Variants in SLITRK5 observed in about 807,000 individuals in gnomAD.
The protein encoded by SLITRK5 is SLIT and NTRK-like protein 5.
SLITRK5 carries 23 observed loss-of-function variants against 56.2 expected under a neutral mutation model. The ratio of observed to expected loss-of-function variants is 0.41; its 90% CI spans 0.29 to 0.58. The LOEUF (loss-of-function observed/expected upper bound fraction) is 0.58. Among genes scored for constraint, SLITRK5 ranks in the 20% least tolerant of loss-of-function variants. The probability of loss-of-function intolerance (pLI) is 0.30; values close to 1 mark genes in which losing one functional copy is unlikely to be tolerated. For synonymous variants in SLITRK5, 637 were observed against 531.8 expected (o/e 1.20, Z -2.72); for missense variants, 1,289 against 1,226.6 (o/e 1.05, Z -0.76).
Position 87,679,484 on chromosome 13 carries a change from G to C in SLITRK5, c.*1219G>C, listed in dbSNP as rs546856335. The C allele has an allele frequency of 4.2e-5, 7 of 166,998 alleles. No homozygotes were observed. The highest frequency in any genetic ancestry group is 1.7e-4 in the African/African-American group (7 of 41,520). 10.3% of individuals were successfully genotyped at this position (166,998 alleles called of 1,614,324 possible). A position where few individuals can be genotyped will look rare whatever the true frequency, so the allele number is the denominator to read the frequency against. ...CTATACAATGTCTTTATCCCTGTGG[G>C]CAGCAAGCAATGATGATAATGACAA... On this transcript the variant is annotated 3_prime_UTR_variant, in exon 2 of 2. Coordinates refer to ENST00000683689, the MANE Select transcript of SLITRK5 (RefSeq NM_001384609.1).
chr13:87,675,937 C>T lies in SLITRK5; in HGVS notation c.549C>T (p.Ile183=). 6.2e-7 allele frequency: 1 copy of T among 1,614,146 alleles called. No individual in the cohort carries two copies. The highest frequency in any genetic ancestry group is 8.5e-7 in the Non-Finnish European group (1 of 1,180,040). The part of the protein sequence containing the change: ...FGKLHLLQVL[I]LNDNLLSSLP... ...AACTGCATTTGTTGCAGGTGCTTAT[C>T]CTCAATGACAATCTTTTGTCCAGTT... Residue 183 remains isoleucine, a synonymous_variant, in exon 2 of 2, where the codon ATC becomes ATT. Transcript: ENST00000683689.
rs183214825 is a variant in SLITRK5 at position 87,676,954 on chromosome 13, A to G, written c.1566A>G (p.Ser522=). 5.5e-5 allele frequency: 89 copies of G among 1,614,162 alleles called. No individual in the cohort carries two copies. The highest frequency in any genetic ancestry group is 7.0e-5 in the Non-Finnish European group (83 of 1,180,038). Residue 522 remains serine, a synonymous_variant, in exon 2 of 2, where the codon TCA becomes TCG. Coordinates refer to ENST00000683689, the MANE Select transcript of SLITRK5 (RefSeq NM_001384609.1). ...ACAACCTCCTGCAGGCCATGCCCTCAGGCGTCTTCTCTGGCTTGACCCTCC... is the reference window on the plus strand; with the variant it reads ...ACAACCTCCTGCAGGCCATGCCCTCGGGCGTCTTCTCTGGCTTGACCCTCC... The part of the protein sequence containing the change: ...LNNNLLQAMP[S]GVFSGLTLLR...
Position 87,677,571 on chromosome 13 carries a change from A to G in SLITRK5, c.2183A>G (p.His728Arg). ...GGGGGTGGHP[H>R]AHVHHRGPAL... ...GGCGGCGGCACGGGCGGCCACCCAC[A>G]CGCGCACGTGCATCACCGCGGGCCC... Residue 728 changes from histidine (H) to arginine (R), a missense_variant, in exon 2 of 2, where the codon CAC (histidine) becomes CGC (arginine). Coordinates refer to ENST00000683689, the MANE Select transcript of SLITRK5 (RefSeq NM_001384609.1). The surrounding 1 kb of genome is among the most constrained non-coding windows in gnomAD (Gnocchi z 4.7). The G allele has an allele frequency of 1.2e-6, 2 of 1,609,372 alleles. No homozygotes were observed. Among genetic ancestry groups the G allele is most frequent in the South Asian group, 1.1e-5 (1 of 90,924 alleles).
Position 87,677,556 on chromosome 13 carries a change from C to G in SLITRK5, c.2168C>G (p.Thr723Arg), listed in dbSNP as rs762059165. The G allele has an allele frequency of 3.1e-6, 5 of 1,608,440 alleles. No homozygotes were observed. The East Asian group carries it at 1.1e-4, about 36-fold the overall frequency. Residue 723 changes from threonine (T) to arginine (R), a missense_variant, in exon 2 of 2, where the codon ACG becomes AGG. Thr to Arg is a moderately conservative substitution (Grantham distance 71, BLOSUM62 -1). This residue lies in a region of SLITRK5 where 985 missense variants were observed against 906.0 expected (regional missense o/e 1.09). Transcript: ENST00000683689. This position sits in a 1 kb window ranked among gnomAD's most constrained non-coding sequence, Gnocchi z 4.7. ...QYSVYGGGGG[T>R]GGHPHAHVHH... ...AGCGTGTACGGCGGCGGCGGCGGCA[C>G]GGGCGGCCACCCACACGCGCACGTG...
intron 1 of SLITRK5, chr13:87,673,542 G>A: frequency 1.6e-6 from 2 of 1,282,240 alleles, no homozygotes; most frequent in Non-Finnish European, 2.0e-6. Flanking sequence ...ATGGATGTGC[G>A]GATTTGATCC....
rs756482226 is a variant in SLITRK5 at position 87,677,840 on chromosome 13, G to T, written c.2452G>T (p.Gly818Trp). The part of the protein sequence containing the change: ...QPPPQLQLQP[G>W]EEERRESHHL... ...CCCGCCGCAGCTGCAGCTGCAGCCC[G>T]GGGAGGAGGAGAGGCGGGAAAGCCA... The change falls in exon 2 of 2, where the codon GGG (glycine) becomes TGG (tryptophan). Residue 818 changes from glycine (G) to tryptophan (W), a missense_variant. Gly to Trp is a radical substitution (Grantham distance 184). This residue lies in a region of SLITRK5 where 985 missense variants were observed against 906.0 expected (regional missense o/e 1.09). Coordinates refer to ENST00000683689, the MANE Select transcript of SLITRK5 (RefSeq NM_001384609.1). The surrounding 1 kb of genome is among the most constrained non-coding windows in gnomAD (Gnocchi z 4.7). 3 of 1,611,842 alleles carry T rather than the reference G, an allele frequency of 1.9e-6. No homozygotes were observed. The highest frequency in any genetic ancestry group is 2.2e-5 in the East Asian group (1 of 44,798).
intron 1 of SLITRK5, chr13:87,674,524 T>G: frequency 2.9e-6 from 1 of 341,434 alleles, no homozygotes; most frequent in Non-Finnish European, 4.1e-6. Flanking sequence ...TTCGCTGAGT[T>G]CTTTGTAATC....
Position 87,677,404 on chromosome 13 carries a change from G to A in SLITRK5, c.2016G>A (p.Leu672=). The A allele has an allele frequency of 1.9e-6, 3 of 1,613,850 alleles. No homozygotes were observed. The highest frequency in any genetic ancestry group is 2.5e-6 in the Non-Finnish European group (3 of 1,180,004). ...CTGTGTTAATTCTCAGCCTCCTGCT[G>A]GTTTTCATCATGTCCGTCTTCGTGG... is the stretch of plus-strand genomic sequence containing the variant. ...PLSVLILSLL[L]VFIMSVFVAA... Residue 672 remains leucine, a synonymous_variant, in exon 2 of 2, where the codon CTG becomes CTA. Transcript: ENST00000683689. This position sits in a 1 kb window ranked among gnomAD's most constrained non-coding sequence, Gnocchi z 4.7.
rs1177599839 is a variant in SLITRK5, at chr13:87,675,609, C to T, written c.221C>T (p.Ser74Phe). ...GAAAACCGGGGGATCATCAGTCTCT[C>T]TGAAATTAGCCCTCCCCGTTTCCCA... ...SCENRGIISL[S>F]EISPPRFPIY... is the part of the protein sequence containing the mutation. Residue 74 changes from serine to phenylalanine, a missense_variant, in exon 2 of 2, where the codon TCT becomes TTT. Around this residue, in one of 3 missense-constraint regions of SLITRK5, gnomAD observed 291 missense variants for 286.7 expected, o/e 1.02. Transcript: ENST00000683689. The T allele has an allele frequency of 6.2e-7, 1 of 1,614,066 alleles. No individual in the cohort carries two copies. The highest frequency in any genetic ancestry group is 8.5e-7 in the Non-Finnish European group (1 of 1,180,058).
rs763200170 is a variant in SLITRK5, at chr13:87,678,262, C to G, written c.2874C>G (p.Phe958Leu). ...AAAAACAGACCACGTTTAGCCAGTT[C>G]TAAAAGCAAAGAAACTCTCTTGGAG... Reference protein sequence around the residue: ...VLEKQTTFSQF With the variant: ...VLEKQTTFSQL Residue 958 changes from phenylalanine (F) to leucine (L), a missense_variant, in exon 2 of 2, where the codon TTC becomes TTG. Transcript: ENST00000683689. 3 of 1,598,844 alleles carry G rather than the reference C, an allele frequency of 1.9e-6. No homozygotes were observed. The South Asian group carries it at 3.3e-5, about 18-fold the overall frequency.
chr13:87,677,736 A>G lies in SLITRK5; in HGVS notation c.2348A>G (p.Lys783Arg), dbSNP rs1263930329. 1 of 1,612,810 alleles carries G rather than the reference A, an allele frequency of 6.2e-7. No individual in the cohort carries two copies. Among genetic ancestry groups the G allele is most frequent in the Non-Finnish European group, 8.5e-7 (1 of 1,179,388 alleles). The change falls in exon 2 of 2, where the codon AAG becomes AGG. Residue 783 changes from lysine (K) to arginine (R), a missense_variant. By Grantham distance (26) the Lys-to-Arg change is conservative. Transcript: ENST00000683689. This position sits in a 1 kb window ranked among gnomAD's most constrained non-coding sequence, Gnocchi z 4.7. Reference sequence around the variant, plus strand: ...GATTACAAAGACCTGCACGAGCTCAAGGTCACCTACAGCAGCAACCACCAC... The same window carrying G: ...GATTACAAAGACCTGCACGAGCTCAGGGTCACCTACAGCAGCAACCACCAC... ...VEDYKDLHEL[K>R]VTYSSNHHLQ...
rs779169011 is a variant in SLITRK5, at chr13:87,677,284, G to C, written c.1896G>C (p.Ala632=). The C allele has an allele frequency of 1.9e-6, 3 of 1,614,138 alleles. No individual in the cohort carries two copies. The East Asian group carries it at 6.7e-5, about 36-fold the overall frequency. The change falls in exon 2 of 2, where the codon GCG becomes GCC. Residue 632 remains alanine, a synonymous_variant. Transcript: ENST00000683689. The surrounding 1 kb of genome is among the most constrained non-coding windows in gnomAD (Gnocchi z 4.7). ...CACCCTCCTCTATCCAGGTCCCTGC[G>C]AGGACCAGCGCCGTGACTCCTGCGG... The part of the protein sequence containing the change: ...TPTPSSIQVP[A]RTSAVTPAVR...
intron 1 of SLITRK5, among the ~76,000 whole-genome samples, 23 bp downstream of exon 1, chr13:87,672,232 G>A (rs1356963790): frequency 1.3e-5 from 2 of 152,086 alleles, no homozygotes; most frequent in Non-Finnish European, 2.9e-5. Flanking sequence ...GTGGGGGGGA[G>A]GGTGCAGCGA....
Position 87,677,791 on chromosome 13 carries a change from A to C in SLITRK5, c.2403A>C (p.Pro801=), listed in dbSNP as rs761761375. ...AGCAGCAGCAGCAGCCGCCGCCGCCACCGCAGCAGCCACAGCAGCAGCCCC... is the reference window on the plus strand; with the variant it reads ...AGCAGCAGCAGCAGCCGCCGCCGCCCCCGCAGCAGCCACAGCAGCAGCCCC... ...HLQQQQQPPP[P]PQQPQQQPPP... Residue 801 remains proline (P), a synonymous_variant, in exon 2 of 2, where the codon CCA becomes CCC. Coordinates refer to ENST00000683689, the MANE Select transcript of SLITRK5 (RefSeq NM_001384609.1). The surrounding 1 kb of genome is among the most constrained non-coding windows in gnomAD (Gnocchi z 4.7). 9 of 1,608,010 alleles carry C rather than the reference A, an allele frequency of 5.6e-6. No homozygotes were observed. Among genetic ancestry groups the C allele is most frequent in the African/African-American group, 1.3e-5 (1 of 74,742 alleles).
In SLITRK5 at chr13:87,672,204, G is replaced by T. The variant is rs1398896715; in HGVS notation, c.-14G>T. 1.3e-5 allele frequency among the ~76,000 whole-genome samples: 2 copies of T among 152,072 alleles called. No homozygotes were observed. The highest frequency in any genetic ancestry group is 4.8e-5 in the African/African-American group (2 of 41,436). On this transcript the variant is annotated 5_prime_UTR_variant, in exon 1 of 2. Coordinates refer to ENST00000683689, the MANE Select transcript of SLITRK5 (RefSeq NM_001384609.1). The stretch of plus-strand genomic sequence containing the variant: ...GAGAAAGTTGCCCCCTATGCAGATG[G>T]CAACTGTGAGTACCCCTGTGGGGGG...
Position 87,679,574 on chromosome 13 carries a change from T to A in SLITRK5, c.*1309T>A, listed in dbSNP as rs1436670890. The A allele has an allele frequency of 6.0e-6, 1 of 166,644 alleles. No homozygotes were observed. The highest frequency in any genetic ancestry group is 1.5e-5 in the Non-Finnish European group (1 of 68,026). The allele number at this position is 166,644 out of a possible 1,614,324, so 10.3% of individuals were successfully genotyped here. A position where few individuals can be genotyped will look rare whatever the true frequency, so the allele number is the denominator to read the frequency against. ...TCATATGTATCCCAGCACATGTAATTTTTTAAATAGTTTCTGAATAAACAC... is the reference window on the plus strand; with the variant it reads ...TCATATGTATCCCAGCACATGTAATATTTTAAATAGTTTCTGAATAAACAC... On this transcript the variant is annotated 3_prime_UTR_variant, in exon 2 of 2. Transcript: ENST00000683689.
chr13:87,677,778 A>AGCC lies in SLITRK5; in HGVS notation c.2400_2402dup (p.Pro802dup), dbSNP rs751214588. 6.8e-6 allele frequency: 11 copies of AGCC among 1,606,738 alleles called. No homozygotes were observed. The highest frequency in any genetic ancestry group is 6.7e-5 in the Admixed American group (4 of 59,780). ...AACCACCACCTGCAGCAGCAGCAGC[A>AGCC]GCCGCCGCCGCCACCGCAGCAGCCA... On this transcript the variant is annotated inframe_insertion, in exon 2 of 2. Transcript: ENST00000683689. This position sits in a 1 kb window ranked among gnomAD's most constrained non-coding sequence, Gnocchi z 4.7.
intron 1 of SLITRK5, chr13:87,673,409 G>A (rs1593970497): frequency 4.5e-6 from 2 of 446,178 alleles, no homozygotes; most frequent in East Asian, 1.5e-4. Context: ...CTGAATTAAA[G>A]TTGTAAACGC....
rs867585410 is a variant in SLITRK5, at chr13:87,674,482, G to C, written c.-8-899G>C. 31 of 787,872 alleles carry C rather than the reference G, an allele frequency of 3.9e-5. No individual in the cohort carries two copies. In the Middle Eastern group the frequency reaches 3.2e-3, roughly 81 times the overall value. The allele number at this position is 787,872 out of a possible 1,614,324, so 48.8% of individuals were successfully genotyped here. On this transcript the variant is annotated intron_variant, in intron 1 of 1. Transcript: ENST00000683689. The stretch of plus-strand genomic sequence containing the variant: ...TAGGAACGTCCTTTTTAAACTCTAG[G>C]CATCGGGAGGTATTCGGAGATTGCG...
Sources: allele counts gnomAD v4.1 joint callset (sites outside exome capture counted in the v4.1 genomes callset), GRCh38; gene constraint gnomAD v4.1.1; regional missense constraint gnomAD v4.1.1; non-coding constraint Gnocchi (gnomAD v3.1); transcripts MANE v1.5; gene names NCBI Gene and HGNC (gene_info 2026-07-23, HGNC 2026-07-21).